Variants in RBFOX1 observed in about 807,000 individuals in gnomAD.
The protein encoded by RBFOX1 is RNA binding fox-1 homolog 1, also known as RNA binding protein fox-1 homolog 1.
RBFOX1 carries 8 observed loss-of-function variants against 57.7 expected under a neutral mutation model. The ratio of observed to expected loss-of-function variants is 0.14; its 90% confidence interval spans 0.08 to 0.25. The LOEUF is 0.25. RBFOX1 is among the 10% of genes least tolerant of loss of function. RBFOX1 has a pLI of 1.00. For synonymous variants in RBFOX1, 326 were observed against 222.4 expected (o/e 1.47, Z -4.15); for missense variants, 611 against 548.5 (o/e 1.11, Z -1.14).
intron 4 of RBFOX1, among the ~76,000 whole-genome samples, chr16:7,490,633 G>C (rs1017743021): frequency 6.6e-6 from 1 of 152,158 alleles, no homozygotes; most frequent in Non-Finnish European, 1.5e-5. Flanking sequence ...TTTGTGGAAG[G>C]AACCATGAGG....
chr16:5,967,937 G>C (rs138980384), intron 4 of RBFOX1, among the ~76,000 whole-genome samples: 1 of 152,074 alleles, frequency 6.6e-6, no homozygotes, highest in African/African-American at 2.4e-5. Context: ...TAGTTGTGCT[G>C]TGTCTCCATT....
intron 3 of RBFOX1, among the ~76,000 whole-genome samples, chr16:6,951,168 A>T (rs935062852): frequency 6.6e-6 from 1 of 151,958 alleles, no homozygotes. Context: ...CAGCTTCCCA[A>T]AGTGTTGGGA....
chr16:6,645,515 C>G (rs550298301), intron 2 of RBFOX1, among the ~76,000 whole-genome samples: 2 of 152,178 alleles, frequency 1.3e-5, no homozygotes, highest in African/African-American at 2.4e-5. Context: ...ATAACCCTGA[C>G]CTACAAAAAT....
rs955769576 is a variant in RBFOX1, at chr16:6,221,423, A to G, written c.-126-95572A>G. ...GTGTTTTAACAATTCAGCTGCCCAGATAACACTTAGAGAGCCATGAGTAAA... is the reference window on the plus strand; with the variant it reads ...GTGTTTTAACAATTCAGCTGCCCAGGTAACACTTAGAGAGCCATGAGTAAA... On this transcript the variant is annotated intron_variant, in intron 1 of 15. Coordinates refer to ENST00000550418, the MANE Select transcript of RBFOX1 (RefSeq NM_018723.4). 3.9e-5 allele frequency among the ~76,000 whole-genome samples: 6 copies of G among 152,236 alleles called. No homozygotes were observed. In the East Asian group the frequency reaches 9.6e-4, roughly 24 times the overall value.
At chr16:6,763,944 G>A (rs896707852) in intron 3 of RBFOX1, among the ~76,000 whole-genome samples, 5 of 152,184 alleles carry the variant, frequency 3.3e-5, no homozygotes, top group African/African-American at 1.2e-4. Context: ...CAATATTAAT[G>A]AGTCCTGGAG....
intron 2 of RBFOX1, among the ~76,000 whole-genome samples, chr16:6,650,316 T>C (rs2098575632): frequency 6.6e-6 from 1 of 152,126 alleles, no homozygotes; most frequent in Admixed American, 6.5e-5. Flanking sequence ...AATAACCCCT[T>C]CTTCCCATAG....
At chr16:6,786,911 A>T (rs1048132145) in intron 3 of RBFOX1, among the ~76,000 whole-genome samples, 3 of 150,712 alleles carry the variant, frequency 2.0e-5, no homozygotes, top group African/African-American at 7.3e-5. Context: ...TTACTTTTAA[A>T]AAAAAAAAGG....
chr16:7,299,606 G>T (rs2095982285), intron 4 of RBFOX1, among the ~76,000 whole-genome samples: 1 of 152,210 alleles, frequency 6.6e-6, no homozygotes, highest in South Asian at 2.1e-4. Context: ...CAAAATCCTG[G>T]ACCCTCTGAC....
intron 4 of RBFOX1, among the ~76,000 whole-genome samples, chr16:6,005,387 G>T (rs1201092542): frequency 6.6e-6 from 1 of 152,242 alleles, no homozygotes; most frequent in African/African-American, 2.4e-5. Flanking sequence ...TATGGGCCAG[G>T]CACCTGCTAG....
At chr16:5,925,884 A>G (rs923153619) in intron 4 of RBFOX1, among the ~76,000 whole-genome samples, 5 of 152,112 alleles carry the variant, frequency 3.3e-5, no homozygotes, top group African/African-American at 4.8e-5. Flanking sequence ...GTGTTTCACT[A>G]CCACAAATCG....
At chr16:5,901,094 G>A (rs2058295269) in intron 4 of RBFOX1, among the ~76,000 whole-genome samples, 1 of 152,156 alleles carries the variant, frequency 6.6e-6, no homozygotes, top group Non-Finnish European at 1.5e-5. Context: ...TGTGACTAGT[G>A]TCAGGAGAAA....
intron 2 of RBFOX1, among the ~76,000 whole-genome samples, chr16:6,635,946 G>T (rs1394966885): frequency 6.6e-6 from 1 of 152,138 alleles, no homozygotes. Context: ...GTATCTTGGG[G>T]ATGGGACCCA....
chr16:5,369,703 G>A (rs1596697896), intron 1 of RBFOX1, among the ~76,000 whole-genome samples: 1 of 152,096 alleles, frequency 6.6e-6, no homozygotes, highest in Admixed American at 6.5e-5. Flanking sequence ...TTCAGAGGTG[G>A]GTCTCAGTCA....
intron 2 of RBFOX1, among the ~76,000 whole-genome samples, chr16:6,500,806 A>G (rs1033869301): frequency 6.6e-6 from 1 of 151,944 alleles, no homozygotes; most frequent in Non-Finnish European, 1.5e-5. Flanking sequence ...TGCAGGAGAA[A>G]AATCATCGTG....
rs116439162 is a variant in RBFOX1 at position 7,152,097 on chromosome 16, C to G, written c.27+99999C>G. ...CTGTATTGAAGCAAAGCAAAACCTT[C>G]TCACACATGGGTTCCATATATAAAA... On this transcript the variant is annotated intron_variant, in intron 4 of 15. Coordinates refer to ENST00000550418, the MANE Select transcript of RBFOX1 (RefSeq NM_018723.4). Among the ~76,000 whole-genome samples the G allele has an allele frequency of 7.9e-3, 1,206 of 152,304 alleles. 19 individuals carry two copies. The highest frequency in any genetic ancestry group is 0.027 in the African/African-American group (1,134 of 41,562).
intron 3 of RBFOX1, among the ~76,000 whole-genome samples, chr16:7,047,861 T>C (rs60431981): frequency 0.029 from 4,439 of 151,754 alleles, 224 homozygotes; most frequent in African/African-American, 0.1. Flanking sequence ...CAGTGAGATT[T>C]TATTTTATTC....
intron 3 of RBFOX1, among the ~76,000 whole-genome samples, chr16:6,804,130 T>A (rs1171457673): frequency 6.6e-5 from 10 of 151,990 alleles, no homozygotes; most frequent in African/African-American, 2.2e-4. Flanking sequence ...GCCTCAGGCA[T>A]CCAAGTAGCT....
At chr16:6,417,695 C>T (rs556664375) in intron 2 of RBFOX1, among the ~76,000 whole-genome samples, 1 of 89,202 alleles carries the variant, frequency 1.1e-5, no homozygotes, top group Admixed American at 1.1e-4. Context: ...TGGCCTTAAA[C>T]TCCTTTCTTT....
chr16:6,283,115 T>C (rs915687309), intron 1 of RBFOX1, among the ~76,000 whole-genome samples: 21 of 152,128 alleles, frequency 1.4e-4, no homozygotes, highest in African/African-American at 5.1e-4. Flanking sequence ...TCACTTGAGC[T>C]CAGGAGTGGG....
Sources: gnomAD v4.1 joint callset for allele counts (sites outside exome capture counted in the v4.1 genomes callset) on GRCh38, gnomAD v4.1.1 for gene constraint, MANE v1.5 for transcripts, NCBI Gene and HGNC (gene_info 2026-07-23, HGNC 2026-07-21) for gene names.